Variants in ROBO2 observed in about 807,000 individuals in gnomAD.
ROBO2 encodes the protein roundabout homolog 2.
ROBO2 carries 53 observed loss-of-function variants against 160.8 expected under a neutral mutation model. The ratio of observed to expected loss-of-function variants is 0.33; its 90% confidence interval spans 0.26 to 0.41. ROBO2 has a LOEUF of 0.41. Among genes scored for constraint, ROBO2 ranks in the 10% least tolerant of loss-of-function variants. The probability of loss-of-function intolerance (pLI) is 1.00; values close to 1 mark genes in which losing one functional copy is unlikely to be tolerated. For missense variants in ROBO2, 1,577 were observed against 1,722.4 expected, an observed-to-expected ratio of 0.92 and a Z score of 1.49; for synonymous variants, 664 against 611.7, an observed-to-expected ratio of 1.09 and a Z score of -1.26.
At chr3:76,667,183 T>C (rs1381767468) in intron 2 of ROBO2, among the ~76,000 whole-genome samples, 1 of 152,082 alleles carries the variant, frequency 6.6e-6, no homozygotes, top group East Asian at 1.9e-4. Flanking sequence ...TTTTTAGAAT[T>C]ATACAAAGAA....
chr3:76,185,197 T>TATATATATATATATATATATATATAG (rs1559621603), intron 2 of ROBO2, among the ~76,000 whole-genome samples: 5 of 81,764 alleles, frequency 6.1e-5, no homozygotes, highest in African/African-American at 1.9e-4. Context: ...TAAACACAGA[T>TATATATATATATATATATATATATAG]ATATATATAT....
rs1182593438 is a variant in ROBO2 at position 76,977,276 on chromosome 3, A to C, written c.110-120738A>C. Among the ~76,000 whole-genome samples the C allele has an allele frequency of 3.9e-5, 6 of 152,206 alleles. No individual in the cohort carries two copies. The East Asian group carries it at 1.2e-3, about 29-fold the overall frequency. On this transcript the variant is annotated intron_variant, in intron 2 of 26. Transcript: ENST00000487694. ...ACTGCATTATAACAAACATTTTAAA[A>C]GAAAGCTTTACAGAGAGGAAAGTGA... is the stretch of plus-strand genomic sequence containing the variant.
chr3:75,930,157 C>T (rs1424800363), intron 1 of ROBO2, among the ~76,000 whole-genome samples: 1 of 152,130 alleles, frequency 6.6e-6, no homozygotes, highest in Non-Finnish European at 1.5e-5. Context: ...CTTTCCTCCA[C>T]TTTATTGTCA....
At chr3:76,259,253 T>C (rs1272244897) in intron 2 of ROBO2, among the ~76,000 whole-genome samples, 1 of 152,000 alleles carries the variant, frequency 6.6e-6, no homozygotes, top group Non-Finnish European at 1.5e-5. Flanking sequence ...GGATCAGAAA[T>C]TACAGTAAAT....
chr3:77,055,417 A>G (rs2065639659), intron 1 of ROBO2, among the ~76,000 whole-genome samples: 1 of 152,162 alleles, frequency 6.6e-6, no homozygotes, highest in African/African-American at 2.4e-5. Context: ...GGAGTCATGT[A>G]TAAATGATGA....
intron 2 of ROBO2, among the ~76,000 whole-genome samples, chr3:76,464,592 A>G (rs943164955): frequency 1.2e-4 from 18 of 151,974 alleles, no homozygotes; most frequent in Admixed American, 3.9e-4. Context: ...AAAAAAAAAT[A>G]AAAGAGACTT....
At chr3:77,114,922 A>G (rs575812194) in intron 2 of ROBO2, among the ~76,000 whole-genome samples, 36 of 152,192 alleles carry the variant, frequency 2.4e-4, no homozygotes, top group African/African-American at 8.2e-4. Context: ...CCAACATCAC[A>G]TTTGTCCTCT....
intron 2 of ROBO2, among the ~76,000 whole-genome samples, chr3:76,789,364 T>G (rs1241234267): frequency 6.6e-6 from 1 of 151,532 alleles, no homozygotes; most frequent in Non-Finnish European, 1.5e-5. Context: ...AGGAGCAGCC[T>G]GCGCTGGCAA....
intron 2 of ROBO2, among the ~76,000 whole-genome samples, chr3:76,800,207 TACAA>T (rs1218278667): frequency 1.3e-5 from 2 of 152,178 alleles, no homozygotes; most frequent in Non-Finnish European, 2.9e-5. Context: ...TCTTGCCATA[TACAA>T]AAATCTAATC....
intron 2 of ROBO2, among the ~76,000 whole-genome samples, chr3:76,477,288 C>T (rs2107231299): frequency 6.6e-6 from 1 of 152,172 alleles, no homozygotes; most frequent in Non-Finnish European, 1.5e-5. Flanking sequence ...GATTAAAAAA[C>T]ATATTTTTCT....
At chr3:76,414,797 A>T (rs1428489814) in intron 2 of ROBO2, among the ~76,000 whole-genome samples, 2 of 151,980 alleles carry the variant, frequency 1.3e-5, no homozygotes, top group Non-Finnish European at 1.5e-5. Flanking sequence ...ACAAAAAAAA[A>T]ATCTAGAAGG....
At chr3:77,516,364 T>C (rs1011216385) in intron 5 of ROBO2, among the ~76,000 whole-genome samples, 3 of 151,626 alleles carry the variant, frequency 2.0e-5, no homozygotes, top group South Asian at 4.1e-4. Context: ...TGAAAGAGTA[T>C]ATTTGAGAAT....
At chr3:76,324,903 G>A (rs966520728) in intron 2 of ROBO2, among the ~76,000 whole-genome samples, 1 of 152,124 alleles carries the variant, frequency 6.6e-6, no homozygotes, top group Non-Finnish European at 1.5e-5. Flanking sequence ...TCAGGAGATC[G>A]AGACCATCCT....
intron 6 of ROBO2, among the ~76,000 whole-genome samples, chr3:77,540,251 A>G (rs1490988582): frequency 6.6e-6 from 1 of 152,194 alleles, no homozygotes; most frequent in Non-Finnish European, 1.5e-5. Flanking sequence ...TTCAGAAGAA[A>G]CGTAATGTTA....
At chr3:75,974,599 G>A (rs1268168013) in intron 2 of ROBO2, among the ~76,000 whole-genome samples, 1 of 151,464 alleles carries the variant, frequency 6.6e-6, no homozygotes, top group African/African-American at 2.4e-5. Flanking sequence ...GTAATTCTAT[G>A]TACTACTTCA....
chr3:77,291,053 G>T (rs1370910845), intron 2 of ROBO2, among the ~76,000 whole-genome samples: 1 of 150,016 alleles, frequency 6.7e-6, no homozygotes, highest in East Asian at 2.0e-4. Context: ...AAACGAGTAA[G>T]CTGAGGCTAG....
In ROBO2 at chr3:76,897,137, G is replaced by C. The variant is rs183390535; in HGVS notation, c.110-200877G>C. On this transcript the variant is annotated intron_variant, in intron 2 of 26. Coordinates refer to the ROBO2 transcript ENST00000487694. ...GTTTGTCTATTGTACCTAAAACTACGTTAAGCAGTTTTCATTTTCACTTCA... is the reference window on the plus strand; with the variant it reads ...GTTTGTCTATTGTACCTAAAACTACCTTAAGCAGTTTTCATTTTCACTTCA... Among the ~76,000 whole-genome samples, 3 of 152,072 alleles carry C rather than the reference G, an allele frequency of 2.0e-5. No homozygotes were observed. In the East Asian group the frequency reaches 5.8e-4, roughly 29 times the overall value.
chr3:76,152,685 T>C (rs745894167), intron 2 of ROBO2, among the ~76,000 whole-genome samples: 28 of 152,230 alleles, frequency 1.8e-4, no homozygotes, highest in Non-Finnish European at 3.7e-4. Flanking sequence ...TTGTCTAACA[T>C]TGTGTTAATT....
rs80275771 is a variant in ROBO2 at position 77,595,869 on chromosome 3, T to A, written c.2726+685T>A. Among the ~76,000 whole-genome samples the A allele has an allele frequency of 5.4e-3, 819 of 152,236 alleles. 10 individuals are homozygous for A. Among genetic ancestry groups the A allele is most frequent in the Admixed American group, 0.028 (431 of 15,278 alleles). On this transcript the variant is annotated intron_variant, in intron 18 of 25. Coordinates refer to ENST00000461745, the Ensembl canonical transcript of ROBO2. ...TAGGGATTGTACCAGAAGGGGTCTA[T>A]CAAAAGAAAAGTGCAATGATTATAG... is the stretch of plus-strand genomic sequence containing the variant.
Sources: gnomAD v4.1 joint callset for allele counts (sites outside exome capture counted in the v4.1 genomes callset) on GRCh38, gnomAD v4.1.1 for gene constraint, MANE v1.5 for transcripts, NCBI Gene and HGNC (gene_info 2026-07-23, HGNC 2026-07-21) for gene names.